LRMDA: variants seen among roughly 807,000 people sequenced by gnomAD.
LRMDA encodes leucine-rich melanocyte differentiation-associated protein.
A neutral mutation model predicts 29.8 loss-of-function variants in LRMDA; 18 were observed. The observed-to-expected ratio is 0.60, with a 90% CI of 0.42 to 0.90. The LOEUF (loss-of-function observed/expected upper bound fraction) is 0.90, where lower values mean the gene tolerates loss of function less well. Among genes scored for constraint, LRMDA ranks in the 40% least tolerant of loss-of-function variants. The probability of loss-of-function intolerance (pLI) is 0.00; values close to 1 mark genes in which losing one functional copy is unlikely to be tolerated. For synonymous variants in LRMDA, 125 were observed against 109.4 expected, an observed-to-expected ratio of 1.14 and a Z score of -0.89; for missense variants, 273 against 273.9, an observed-to-expected ratio of 1.00 and a Z score of 0.02.
intron 6 of LRMDA, among the ~76,000 whole-genome samples, chr10:76,484,870 A>G (rs1842766366): frequency 6.6e-6 from 1 of 151,822 alleles, no homozygotes; most frequent in Admixed American, 6.6e-5. Context: ...TTCTCGGAGA[A>G]TTCACTCTTT....
At chr10:76,068,510 T>A (rs1459856825) in intron 5 of LRMDA, among the ~76,000 whole-genome samples, 7 of 152,102 alleles carry the variant, frequency 4.6e-5, no homozygotes, top group Non-Finnish European at 1.0e-4. Context: ...ACAACCTAGA[T>A]CCCTCACATG....
chr10:76,457,629 G>A (rs1842470650), intron 6 of LRMDA, among the ~76,000 whole-genome samples: 1 of 152,110 alleles, frequency 6.6e-6, no homozygotes, highest in Admixed American at 6.5e-5. Context: ...CCATGTGTTA[G>A]ATAAGCTTTC....
chr10:75,432,023 G>A (rs1844205180), intron 1 of LRMDA, among the ~76,000 whole-genome samples: 1 of 152,224 alleles, frequency 6.6e-6, no homozygotes, highest in Non-Finnish European at 1.5e-5. Flanking sequence ...GCCTCACTGA[G>A]CAGGCCCAGC....
intron 2 of LRMDA, among the ~76,000 whole-genome samples, chr10:75,790,556 G>C (rs1342716200): frequency 6.6e-6 from 1 of 152,146 alleles, no homozygotes; most frequent in Non-Finnish European, 1.5e-5. Flanking sequence ...CTTCCTAACT[G>C]TATGACATAA....
intron 5 of LRMDA, among the ~76,000 whole-genome samples, chr10:76,272,860 A>G (rs1472470494): frequency 2.6e-5 from 4 of 152,126 alleles, no homozygotes; most frequent in African/African-American, 9.7e-5. Flanking sequence ...ACTGCCAAAA[A>G]CTTTTAAATC....
At chr10:76,249,723 A>T (rs1409405184) in intron 5 of LRMDA, among the ~76,000 whole-genome samples, 1 of 152,218 alleles carries the variant, frequency 6.6e-6, no homozygotes, top group South Asian at 2.1e-4. Context: ...TTCCAGGTAG[A>T]TCGACTAAAA....
At chr10:76,471,067 G>A (rs559697720) in intron 6 of LRMDA, among the ~76,000 whole-genome samples, 1 of 151,806 alleles carries the variant, frequency 6.6e-6, no homozygotes, top group East Asian at 1.9e-4. Flanking sequence ...ATGGGTGGGA[G>A]GAAACCTGTA....
chr10:76,419,763 A>G lies in LRMDA; in HGVS notation c.601+95278A>G, dbSNP rs572618434. Among the ~76,000 whole-genome samples the G allele has an allele frequency of 9.0e-4, 137 of 152,140 alleles. 1 individual carries two copies. Among genetic ancestry groups the G allele is most frequent in the Middle Eastern group, 3.4e-3 (1 of 294 alleles). On this transcript the variant is annotated intron_variant, in intron 6 of 6. Transcript: ENST00000611255. ...CTGTTCAGGTCTTTTATCCATTTTT[A>G]AAATTGGGTTGTTCATTTGGTTATT...
intron 2 of LRMDA, among the ~76,000 whole-genome samples, chr10:75,970,910 C>T (rs1431750430): frequency 6.6e-6 from 1 of 152,234 alleles, no homozygotes; most frequent in Non-Finnish European, 1.5e-5. Context: ...AATACTTTCA[C>T]AGCCATTGTT....
chr10:75,995,077 G>A (rs1450278943), intron 2 of LRMDA, among the ~76,000 whole-genome samples: 4 of 152,042 alleles, frequency 2.6e-5, no homozygotes, highest in Non-Finnish European at 5.9e-5. Context: ...AACTTTTCTT[G>A]GAGAGTTAGA....
intron 5 of LRMDA, among the ~76,000 whole-genome samples, chr10:76,192,273 G>A (rs1386851247): frequency 6.6e-6 from 1 of 152,176 alleles, no homozygotes; most frequent in African/African-American, 2.4e-5. Flanking sequence ...ATGACACAGA[G>A]CTTGGGACTC....
intron 5 of LRMDA, among the ~76,000 whole-genome samples, chr10:76,147,059 T>C (rs1377145702): frequency 1.3e-5 from 2 of 152,250 alleles, no homozygotes; most frequent in Non-Finnish European, 2.9e-5. Flanking sequence ...GATCCGCTGT[T>C]AGTCTGATGG....
intron 2 of LRMDA, among the ~76,000 whole-genome samples, chr10:75,926,578 C>T (rs901733182): frequency 6.6e-6 from 1 of 152,206 alleles, no homozygotes; most frequent in African/African-American, 2.4e-5. Context: ...TATGAAATTG[C>T]TCACTAAAGA....
In LRMDA at chr10:76,558,489, T is replaced by TAAC. The variant is rs1294142058; in HGVS notation, c.*1202_*1204dup. 7 of 152,212 alleles carry TAAC rather than the reference T, an allele frequency of 4.6e-5. No individual in the cohort carries two copies. Among genetic ancestry groups the TAAC allele is most frequent in the African/African-American group, 7.2e-5 (3 of 41,462 alleles). 9.4% of individuals were successfully genotyped at this position (152,212 alleles called of 1,614,324 possible). On this transcript the variant is annotated 3_prime_UTR_variant, in exon 7 of 7. Coordinates refer to ENST00000611255, the MANE Select transcript of LRMDA (RefSeq NM_001305581.2). The stretch of plus-strand genomic sequence containing the variant: ...CTAGTTGGGTGACTCAAAGTTTATC[T>TAAC]AACTTGCTGGTGCACCAGTCAAATC...
chr10:75,884,682 CAG>C (rs1845353989), intron 2 of LRMDA, among the ~76,000 whole-genome samples: 1 of 152,214 alleles, frequency 6.6e-6, no homozygotes, highest in Non-Finnish European at 1.5e-5. Context: ...CAGGGCCTGA[CAG>C]TAACTCCTTG....
chr10:76,431,732 T>C (rs1842192408), intron 6 of LRMDA, among the ~76,000 whole-genome samples: 1 of 152,176 alleles, frequency 6.6e-6, no homozygotes, highest in Non-Finnish European at 1.5e-5. Context: ...TGATATGGTT[T>C]GGTTGTGTCC....
At chr10:75,432,025 A>G (rs1175854387) in intron 1 of LRMDA, among the ~76,000 whole-genome samples, 1 of 152,192 alleles carries the variant, frequency 6.6e-6, no homozygotes, top group Non-Finnish European at 1.5e-5. Flanking sequence ...CTCACTGAGC[A>G]GGCCCAGCGG....
At chr10:75,671,143 T>G (rs964361318) in intron 2 of LRMDA, among the ~76,000 whole-genome samples, 5 of 152,200 alleles carry the variant, frequency 3.3e-5, no homozygotes, top group Admixed American at 2.0e-4. Context: ...CAGTGAGAAA[T>G]AAATTGCCTT....
At chr10:75,513,197 T>C (rs1845246588) in intron 2 of LRMDA, among the ~76,000 whole-genome samples, 1 of 152,188 alleles carries the variant, frequency 6.6e-6, no homozygotes, top group Non-Finnish European at 1.5e-5. Flanking sequence ...AGGAGTTTTT[T>C]CCCCCACTCC....
Sources: allele counts gnomAD v4.1 joint callset (sites outside exome capture counted in the v4.1 genomes callset), GRCh38; gene constraint gnomAD v4.1.1; transcripts MANE v1.5; gene names NCBI Gene and HGNC (gene_info 2026-07-23, HGNC 2026-07-21).